Variants in PCNX2 observed in about 807,000 individuals in gnomAD.
PCNX2 encodes the protein pecanex 2.
Under a neutral mutation model 223.8 loss-of-function variants are expected in PCNX2, and 168 were observed. The ratio of observed to expected loss-of-function variants is 0.75; its 90% CI spans 0.66 to 0.85. The LOEUF (loss-of-function observed/expected upper bound fraction) is 0.85. Among genes scored for constraint, PCNX2 ranks in the 40% least tolerant of loss-of-function variants. The pLI, the probability that PCNX2 is intolerant of heterozygous loss-of-function variation, is 0.00. For synonymous variants in PCNX2, 1,006 were observed against 1,052.6 expected, an observed-to-expected ratio of 0.96 and a Z score of 0.86; for missense variants, 2,507 against 2,675.5, an observed-to-expected ratio of 0.94 and a Z score of 1.39.
chr1:233,022,714 T>G (rs1670939929), intron 26 of PCNX2, among the ~76,000 whole-genome samples: 1 of 127,342 alleles, frequency 7.9e-6, no homozygotes, highest in Non-Finnish European at 1.6e-5. Context: ...TTTTTTTTTT[T>G]TGAGACAGAG....
intron 19 of PCNX2, among the ~76,000 whole-genome samples, chr1:233,152,594 G>C (rs1052614420): frequency 6.6e-6 from 1 of 152,096 alleles, no homozygotes; most frequent in Admixed American, 6.5e-5. Flanking sequence ...ATATATTATT[G>C]AGTTTCACTT....
intron 14 of PCNX2, among the ~76,000 whole-genome samples, chr1:233,199,702 C>A (rs1021206181): frequency 3.3e-5 from 5 of 151,972 alleles, no homozygotes; most frequent in Non-Finnish European, 7.4e-5. Flanking sequence ...GATCACCTGT[C>A]TCTATAGGTA....
rs1336724631 is a variant in PCNX2, at chr1:233,253,210, A to G, written c.1835-422T>C. 1.3e-5 allele frequency among the ~76,000 whole-genome samples: 2 copies of G among 152,228 alleles called. No individual in the cohort carries two copies. The highest frequency in any genetic ancestry group is 2.9e-5 in the Non-Finnish European group (2 of 68,030). Reference sequence around the variant, plus strand: ...ATTTCAGAACAAGGTCCCCTTTACCATTTATAAATCTTATCAGTCTTTCTT... The same window carrying G: ...ATTTCAGAACAAGGTCCCCTTTACCGTTTATAAATCTTATCAGTCTTTCTT... On this transcript the variant is annotated intron_variant, in intron 5 of 33. Coordinates refer to ENST00000258229, the MANE Select transcript of PCNX2 (RefSeq NM_014801.4). This position sits in a 1 kb window ranked among gnomAD's most constrained non-coding sequence, Gnocchi z 4.2.
intron 23 of PCNX2, among the ~76,000 whole-genome samples, chr1:233,080,220 T>G (rs745409051): frequency 8.5e-5 from 13 of 152,168 alleles, no homozygotes; most frequent in Non-Finnish European, 1.3e-4. Context: ...TATGATTTTT[T>G]GGGGGGGCTG....
chr1:233,156,982 T>C (rs886695111), intron 19 of PCNX2, among the ~76,000 whole-genome samples: 2 of 151,986 alleles, frequency 1.3e-5, no homozygotes, highest in Admixed American at 6.6e-5. Flanking sequence ...GGTGTCAGTC[T>C]AGTGAAGCTG....
At chr1:233,109,359 T>C (rs1005083965) in intron 21 of PCNX2, among the ~76,000 whole-genome samples, 4 of 152,156 alleles carry the variant, frequency 2.6e-5, no homozygotes, top group African/African-American at 9.7e-5. Flanking sequence ...AGATGACACA[T>C]ATAGTGGAAC....
intron 24 of PCNX2, 118 bp from the exon 25 acceptor site, chr1:233,054,601 A>T: frequency 2.5e-6 from 2 of 791,502 alleles, no homozygotes; most frequent in East Asian, 5.4e-5. Flanking sequence ...ATATACATAA[A>T]AGAGGAAAGA....
At chr1:233,055,511 G>A (rs1672160738) in intron 24 of PCNX2, among the ~76,000 whole-genome samples, 1 of 152,078 alleles carries the variant, frequency 6.6e-6, no homozygotes, top group Admixed American at 6.5e-5. Context: ...CCTTTCATGG[G>A]ATCTCTCAAG....
At chr1:233,177,450 C>G (rs1005359461) in intron 17 of PCNX2, among the ~76,000 whole-genome samples, 2 of 152,190 alleles carry the variant, frequency 1.3e-5, no homozygotes, top group Non-Finnish European at 2.9e-5. Flanking sequence ...CCGGACACAG[C>G]AGTAAGGTGG....
chr1:233,196,258 T>C (rs771695713), intron 15 of PCNX2, among the ~76,000 whole-genome samples: 5 of 152,030 alleles, frequency 3.3e-5, no homozygotes. Context: ...AATCTAAATA[T>C]AATACAACTA....
intron 21 of PCNX2, among the ~76,000 whole-genome samples, chr1:233,129,559 A>T (rs1676329689): frequency 6.6e-6 from 1 of 152,202 alleles, no homozygotes; most frequent in African/African-American, 2.4e-5. Context: ...TGTGGGATCC[A>T]CTGGGTGAAG....
rs529907356 is a variant in PCNX2, at chr1:233,125,325, C to T, written c.3837+9688G>A. Among the ~76,000 whole-genome samples, 28 of 152,310 alleles carry T rather than the reference C, an allele frequency of 1.8e-4. 1 individual carries two copies. In the South Asian group the frequency reaches 3.7e-3, roughly 20 times the overall value. ...TTTTGTTACATCTTCCTTCCTCTAC[C>T]TGCTTCTTAAATGCTGGTCATCCTT... On this transcript the variant is annotated intron_variant, in intron 21 of 33. Transcript: ENST00000258229.
chr1:233,305,161 C>T, the PCNX2 span, among the ~76,000 whole-genome samples: 1 of 152,014 alleles, frequency 6.6e-6, no homozygotes. Context: ...GAACAAGTTT[C>T]TTTATGGTAT....
At chr1:233,100,015 C>A (rs879526302) in intron 21 of PCNX2, among the ~76,000 whole-genome samples, 6 of 152,074 alleles carry the variant, frequency 3.9e-5, no homozygotes, top group Admixed American at 1.3e-4. Flanking sequence ...TAAATCTCAG[C>A]GCTATGAAAA....
rs1014165423 is a variant in PCNX2, at chr1:233,227,013, G to T, written c.2504+213C>A. On this transcript the variant is annotated intron_variant, in intron 10 of 33. Transcript: ENST00000258229. ...TAATATGTTAATTTATTATTAATAAGAGTTACTTATTGTAACTCTCTTATT... is the reference window on the plus strand; with the variant it reads ...TAATATGTTAATTTATTATTAATAATAGTTACTTATTGTAACTCTCTTATT... 2.0e-5 allele frequency among the ~76,000 whole-genome samples: 3 copies of T among 152,062 alleles called. No individual in the cohort carries two copies. In the South Asian group the frequency reaches 6.3e-4, roughly 32 times the overall value.
rs1046366189 is a variant in PCNX2 at position 232,991,040 on chromosome 1, G to A, written c.5792-4500C>T. 1.2e-4 allele frequency among the ~76,000 whole-genome samples: 19 copies of A among 152,176 alleles called. No individual in the cohort carries two copies. The highest frequency in any genetic ancestry group is 1.0e-4 in the Non-Finnish European group (7 of 68,020). ...AGAAGTTAGGGCTGCCCACCTGAGC[G>A]TCCACCGTGGGCTGCACTGTCCTAG... On this transcript the variant is annotated intron_variant, in intron 32 of 33. Transcript: ENST00000258229. This position sits in a 1 kb window ranked among gnomAD's most constrained non-coding sequence, Gnocchi z 4.3.
chr1:232,986,818 C>G lies in PCNX2; in HGVS notation c.5792-278G>C, dbSNP rs1669507864. Among the ~76,000 whole-genome samples, 3 of 152,234 alleles carry G rather than the reference C, an allele frequency of 2.0e-5. No homozygotes were observed. The South Asian group carries it at 6.2e-4, about 31-fold the overall frequency. ...AGAAGCTGCAGCCAGGGTGACAGAT[C>G]TGCTCAGTTTGCCAGGACATTCCTG... On this transcript the variant is annotated intron_variant, in intron 32 of 33. Coordinates refer to ENST00000258229, the MANE Select transcript of PCNX2 (RefSeq NM_014801.4).
In PCNX2 at chr1:232,983,712, T is replaced by C. The variant is rs1373231697; in HGVS notation, c.*592A>G. ...GCATGCATGATCACGGTTCTTGTTG[T>C]GAAGCTGCCACCATGTTACGCTTAA... On this transcript the variant is annotated 3_prime_UTR_variant, in exon 34 of 34. Transcript: ENST00000258229. 1 of 152,150 alleles carries C rather than the reference T, an allele frequency of 6.6e-6. No individual in the cohort carries two copies. The highest frequency in any genetic ancestry group is 2.4e-5 in the African/African-American group (1 of 41,448). 9.4% of individuals were successfully genotyped at this position (152,150 alleles called of 1,614,324 possible).
chr1:233,123,875 T>C (rs192102154), intron 21 of PCNX2, among the ~76,000 whole-genome samples: 1 of 152,342 alleles, frequency 6.6e-6, no homozygotes. Flanking sequence ...AAAGACCATA[T>C]AGTCATTCTG....
Sources: allele counts gnomAD v4.1 joint callset (sites outside exome capture counted in the v4.1 genomes callset), GRCh38; gene constraint gnomAD v4.1.1; non-coding constraint Gnocchi (gnomAD v3.1); transcripts MANE v1.5; gene names NCBI Gene and HGNC (gene_info 2026-07-23, HGNC 2026-07-21).